The following FAF2 variants were observed in gnomAD, a reference collection of about 807,000 sequenced individuals.
The protein encoded by FAF2 is Fas associated factor family member 2.
In FAF2, 9 loss-of-function variants were observed where a neutral mutation model predicts 62.3. The ratio of observed to expected loss-of-function variants is 0.14; its 90% CI spans 0.09 to 0.25. The LOEUF is 0.25. FAF2 is among the 10% of genes least tolerant of loss of function. The pLI is 1.00. For synonymous variants in FAF2, 202 were observed against 198.0 expected, an observed-to-expected ratio of 1.02 and a Z score of -0.17; for missense variants, 368 against 556.2, an observed-to-expected ratio of 0.66 and a Z score of 3.40.
chr5:176,458,631 C>T (rs1323196376), intron 1 of FAF2, among the ~76,000 whole-genome samples: 1 of 151,554 alleles, frequency 6.6e-6, no homozygotes, highest in Non-Finnish European at 1.5e-5. Context: ...GTGTCAAACT[C>T]CTGACCTCGT....
At chr5:176,461,917 T>C (rs1409457676) in intron 1 of FAF2, among the ~76,000 whole-genome samples, 4 of 152,146 alleles carry the variant, frequency 2.6e-5, no homozygotes, top group African/African-American at 9.7e-5. Context: ...TCTTGTAGGA[T>C]TTTTATAGTT....
At chr5:176,470,971 C>T (rs981141559) in intron 1 of FAF2, among the ~76,000 whole-genome samples, 2 of 152,188 alleles carry the variant, frequency 1.3e-5, no homozygotes, top group Admixed American at 6.6e-5. Flanking sequence ...CTTTACCATA[C>T]ATAAAAATTT....
chr5:176,456,120 G>A (rs954826269), intron 1 of FAF2, among the ~76,000 whole-genome samples: 2 of 152,156 alleles, frequency 1.3e-5, no homozygotes, highest in African/African-American at 4.8e-5. Flanking sequence ...TGCCCAGGCT[G>A]CAGTGCAGTG....
intron 1 of FAF2, among the ~76,000 whole-genome samples, chr5:176,477,709 A>G (rs532237958): frequency 1.6e-4 from 25 of 152,316 alleles, no homozygotes; most frequent in Non-Finnish European, 1.6e-4. Flanking sequence ...CAGTTTTTGA[A>G]TTTTGTTTCA....
chr5:176,489,089 C>A, intron 4 of FAF2, 62 bp downstream of exon 4: 3 of 1,297,000 alleles, frequency 2.3e-6, no homozygotes, highest in Non-Finnish European at 3.3e-6. Flanking sequence ...AAATTTAGGC[C>A]AAAATAAGCT....
intron 2 of FAF2, among the ~76,000 whole-genome samples, chr5:176,480,963 A>T (rs1030955587): frequency 1.3e-5 from 2 of 152,214 alleles, no homozygotes; most frequent in Non-Finnish European, 2.9e-5. Flanking sequence ...ATAATTTAAA[A>T]AAATAAATAA....
intron 10 of FAF2, among the ~76,000 whole-genome samples, chr5:176,501,265 T>C (rs1755588171): frequency 6.6e-6 from 1 of 152,256 alleles, no homozygotes; most frequent in African/African-American, 2.4e-5. Context: ...AGAAAATTTA[T>C]TTAAACTGAG....
chr5:176,489,134 A>C, intron 4 of FAF2, 107 bp downstream of exon 4: 1 of 720,976 alleles, frequency 1.4e-6, no homozygotes, highest in South Asian at 1.8e-5. Flanking sequence ...CCAATTTGTC[A>C]TGAGATGGAA....
chr5:176,460,815 G>A (rs1387612345), intron 1 of FAF2, among the ~76,000 whole-genome samples: 1 of 151,960 alleles, frequency 6.6e-6, no homozygotes, highest in Non-Finnish European at 1.5e-5. Flanking sequence ...CACCAGGCAT[G>A]GCGGTGTAGG....
intron 1 of FAF2, among the ~76,000 whole-genome samples, chr5:176,452,552 T>G (rs935592726): frequency 6.6e-6 from 1 of 152,204 alleles, no homozygotes; most frequent in African/African-American, 2.4e-5. Flanking sequence ...CTGGACTTGA[T>G]GGCTGAGTTC....
intron 10 of FAF2, 65 bp from the exon 11 acceptor site, chr5:176,506,703 G>A: frequency 9.6e-7 from 1 of 1,040,088 alleles, no homozygotes; most frequent in Non-Finnish European, 1.4e-6. Flanking sequence ...GTGTGCGTGT[G>A]TGCGTGTGTG....
At chr5:176,459,759 A>C (rs1304336167) in intron 1 of FAF2, among the ~76,000 whole-genome samples, 1 of 152,050 alleles carries the variant, frequency 6.6e-6, no homozygotes, top group Non-Finnish European at 1.5e-5. Context: ...GAGGGGGTAC[A>C]TGTGTGGGTT....
chr5:176,507,403 G>A lies in FAF2; in HGVS notation c.*453G>A, dbSNP rs1368534443. The A allele has an allele frequency of 3.2e-5, 14 of 436,032 alleles. No individual in the cohort carries two copies. The highest frequency in any genetic ancestry group is 5.5e-5 in the Non-Finnish European group (12 of 216,656). 27.0% of individuals were successfully genotyped at this position (436,032 alleles called of 1,614,324 possible). A position where few individuals can be genotyped will look rare whatever the true frequency, so the allele number is the denominator to read the frequency against. On this transcript the variant is annotated 3_prime_UTR_variant, in exon 11 of 11. Coordinates refer to ENST00000261942, the MANE Select transcript of FAF2 (RefSeq NM_014613.3). ...GCTTCTCCTGCCTCTGGGGAAGAGA[G>A]GGAAGAGAAAGCACAGAGCAGAGAA...
At chr5:176,486,834 A>G (rs1284832336) in intron 3 of FAF2, among the ~76,000 whole-genome samples, 1 of 152,186 alleles carries the variant, frequency 6.6e-6, no homozygotes, top group African/African-American at 2.4e-5. Context: ...ACGTCTTTGA[A>G]ATTAGCCTTG....
chr5:176,508,817 C>G lies in FAF2; in HGVS notation c.*1867C>G, dbSNP rs1247692624. On this transcript the variant is annotated 3_prime_UTR_variant, in exon 11 of 11. Transcript: ENST00000261942. ...TTACGTGAAACCTTCCTGCTGACAA[C>G]CATGCAGAGGAATTTTTCCACTTAA... 6.6e-6 allele frequency: 1 copy of G among 152,208 alleles called. No homozygotes were observed. Among genetic ancestry groups the G allele is most frequent in the East Asian group, 1.9e-4 (1 of 5,202 alleles). 9.4% of individuals were successfully genotyped at this position (152,208 alleles called of 1,614,324 possible).
At chr5:176,450,640 G>A (rs1374582323) in intron 1 of FAF2, among the ~76,000 whole-genome samples, 1 of 150,942 alleles carries the variant, frequency 6.6e-6, no homozygotes, top group South Asian at 2.1e-4. Flanking sequence ...TGCAACCTCC[G>A]CCTTCCAGTT....
chr5:176,460,702 A>G (rs1395764113), intron 1 of FAF2, among the ~76,000 whole-genome samples: 1 of 152,040 alleles, frequency 6.6e-6, no homozygotes, highest in East Asian at 1.9e-4. Context: ...CTGTAATCCC[A>G]GCACTTTGGG....
chr5:176,504,367 C>T (rs1232822343), intron 10 of FAF2, among the ~76,000 whole-genome samples: 2 of 149,954 alleles, frequency 1.3e-5, no homozygotes, highest in African/African-American at 2.5e-5. Context: ...GGGTAGATCA[C>T]GAAGTCAGGA....
chr5:176,509,586 A>G lies in FAF2; in HGVS notation c.*2636A>G, dbSNP rs1341504979. The G allele has an allele frequency of 6.6e-6, 1 of 152,612 alleles. No individual in the cohort carries two copies. Among genetic ancestry groups the G allele is most frequent in the Non-Finnish European group, 1.5e-5 (1 of 68,038 alleles). The allele number at this position is 152,612 out of a possible 1,614,324, so 9.5% of individuals were successfully genotyped here. On this transcript the variant is annotated 3_prime_UTR_variant, in exon 11 of 11. Coordinates refer to ENST00000261942, the MANE Select transcript of FAF2 (RefSeq NM_014613.3). ...AGTTGAATATTTGTACCCTCAGTGG[A>G]GCCCTTCTGGTCTTTTCTTCCACTT... is the stretch of plus-strand genomic sequence containing the variant.
Sources: gnomAD v4.1 joint callset for allele counts (sites outside exome capture counted in the v4.1 genomes callset) on GRCh38, gnomAD v4.1.1 for gene constraint, MANE v1.5 for transcripts, NCBI Gene and HGNC (gene_info 2026-07-23, HGNC 2026-07-21) for gene names.